The following BTBD9 variants were observed in gnomAD, a reference collection of about 807,000 sequenced individuals.
BTBD9 encodes the protein BTB domain containing 9.
BTBD9 carries 49 observed loss-of-function variants against 64.3 expected under a neutral mutation model. The observed-to-expected ratio is 0.76, with a 90% CI of 0.61 to 0.97. The LOEUF (loss-of-function observed/expected upper bound fraction) is 0.97, where lower values mean the gene tolerates loss of function less well. Ranked by LOEUF, BTBD9 falls within the 50% of genes least tolerant of loss-of-function variation. BTBD9 has a pLI of 0.00. For synonymous variants in BTBD9, 260 were observed against 274.7 expected, an observed-to-expected ratio of 0.95 and a Z score of 0.53; for missense variants, 598 against 762.1, an observed-to-expected ratio of 0.78 and a Z score of 2.53.
intron 6 of BTBD9, among the ~76,000 whole-genome samples, chr6:38,351,187 C>T (rs1408814624): frequency 6.6e-6 from 1 of 152,202 alleles, no homozygotes; most frequent in Non-Finnish European, 1.5e-5. Flanking sequence ...GTACTGACTT[C>T]AGCAAAGGGG....
intron 9 of BTBD9, chr6:38,193,818 T>C: frequency 2.0e-6 from 2 of 985,446 alleles, no homozygotes; most frequent in African/African-American, 1.7e-5. Context: ...CAGTTTGTTT[T>C]TCCCCCTTTG....
chr6:38,218,107 C>G (rs1004383532), intron 9 of BTBD9, among the ~76,000 whole-genome samples: 10 of 152,120 alleles, frequency 6.6e-5, no homozygotes, highest in Non-Finnish European at 8.8e-5. Flanking sequence ...TAGGAACTGG[C>G]TCTCACTGGT....
rs1425976805 is a variant in BTBD9 at position 38,581,650 on chromosome 6, T to TA, written c.815-1214dup. 5.9e-5 allele frequency among the ~76,000 whole-genome samples: 9 copies of TA among 152,162 alleles called. No individual in the cohort carries two copies. In the South Asian group the frequency reaches 1.7e-3, roughly 28 times the overall value. On this transcript the variant is annotated intron_variant, in intron 4 of 10. Transcript: ENST00000481247. ...GGAAAGACAAGAGGCTGCAGAAAGA[T>TA]ATTAAGAGCTTGAAGAGTCAGAGAT...
chr6:38,451,801 T>C (rs1399500903), intron 6 of BTBD9, among the ~76,000 whole-genome samples: 3 of 152,138 alleles, frequency 2.0e-5, no homozygotes, highest in Non-Finnish European at 2.9e-5. Context: ...ATCAAATTTC[T>C]AATAATCAAA....
chr6:38,608,820 C>A (rs546011805), intron 1 of BTBD9, among the ~76,000 whole-genome samples: 1 of 152,166 alleles, frequency 6.6e-6, no homozygotes, highest in African/African-American at 2.4e-5. Flanking sequence ...AAATGTTCCA[C>A]GAATTATACT....
At chr6:38,314,552 G>A (rs1582215034) in intron 7 of BTBD9, among the ~76,000 whole-genome samples, 1 of 152,020 alleles carries the variant, frequency 6.6e-6, no homozygotes, top group South Asian at 2.1e-4. Context: ...TCTTCTTTAA[G>A]TATTTGGTAA....
rs74890993 is a variant in BTBD9, at chr6:38,394,537, C to G, written c.1155-49444G>C. ...GATGCATCATACAGTGGTAGCCAGC[C>G]TCCAAAATGGCACCCAATGGTTGTG... On this transcript the variant is annotated intron_variant, in intron 6 of 10. Coordinates refer to ENST00000481247, the MANE Select transcript of BTBD9 (RefSeq NM_001099272.2). Among the ~76,000 whole-genome samples, 194 of 152,274 alleles carry G rather than the reference C, an allele frequency of 1.3e-3. 1 individual carries two copies. In the Middle Eastern group the frequency reaches 0.014, roughly 11 times the overall value.
At chr6:38,270,841 T>G (rs1237016613) in intron 8 of BTBD9, among the ~76,000 whole-genome samples, 2 of 152,218 alleles carry the variant, frequency 1.3e-5, no homozygotes, top group Admixed American at 6.5e-5. Flanking sequence ...GAATGTGTAA[T>G]GAATAGCAGT....
intron 9 of BTBD9, among the ~76,000 whole-genome samples, chr6:38,217,664 T>G (rs1433090009): frequency 6.6e-6 from 1 of 151,886 alleles, no homozygotes; most frequent in Non-Finnish European, 1.5e-5. Context: ...TGGGCCCAGT[T>G]TGGTTTTTTA....
At chr6:38,473,135 T>C (rs758830512) in intron 6 of BTBD9, among the ~76,000 whole-genome samples, 2 of 152,186 alleles carry the variant, frequency 1.3e-5, no homozygotes, top group Non-Finnish European at 2.9e-5. Flanking sequence ...GATTCAGTAA[T>C]AGAGATGACA....
intron 9 of BTBD9, among the ~76,000 whole-genome samples, chr6:38,241,260 CT>C (rs1763983680): frequency 1.3e-5 from 2 of 152,182 alleles, no homozygotes; most frequent in Non-Finnish European, 2.9e-5. Context: ...TGCTATCTTC[CT>C]TTGCCTAAGA....
chr6:38,460,517 G>C (rs761436114), intron 6 of BTBD9, among the ~76,000 whole-genome samples: 1 of 152,208 alleles, frequency 6.6e-6, no homozygotes, highest in Non-Finnish European at 1.5e-5. Flanking sequence ...CTAATAGCTA[G>C]TGAATTTATA....
chr6:38,209,101 A>G (rs1247606499), intron 9 of BTBD9, among the ~76,000 whole-genome samples: 1 of 152,212 alleles, frequency 6.6e-6, no homozygotes, highest in Non-Finnish European at 1.5e-5. Flanking sequence ...CTTGAAAACC[A>G]GAAGATCTGG....
intron 1 of BTBD9, among the ~76,000 whole-genome samples, chr6:38,619,029 G>A (rs149474130): frequency 7.6e-4 from 115 of 152,224 alleles, no homozygotes; most frequent in African/African-American, 2.6e-3. Context: ...GGAGAATTAC[G>A]AAAAAGCCCA....
intron 1 of BTBD9, among the ~76,000 whole-genome samples, chr6:38,638,628 A>G (rs1181533478): frequency 6.6e-6 from 1 of 152,244 alleles, no homozygotes; most frequent in Non-Finnish European, 1.5e-5. Flanking sequence ...CAAGGTTATT[A>G]CTGGTTCCAA....
chr6:38,549,735 A>G (rs1774709142), intron 6 of BTBD9, among the ~76,000 whole-genome samples: 1 of 152,126 alleles, frequency 6.6e-6, no homozygotes, highest in African/African-American at 2.4e-5. Context: ...GTTTCTCAAA[A>G]TAGTTGTCTA....
At chr6:38,354,917 A>AAG (rs150257577) in intron 6 of BTBD9, among the ~76,000 whole-genome samples, 5,892 of 148,668 alleles carry the variant, frequency 0.04, 399 homozygotes, top group African/African-American at 0.13. Context: ...GACAGAGAGA[A>AAG]AGAGAGAGAG....
intron 9 of BTBD9, 26 bp from the exon 10 acceptor site, chr6:38,192,623 T>C (rs900767486): frequency 6.3e-7 from 1 of 1,599,484 alleles, no homozygotes; most frequent in Non-Finnish European, 8.6e-7. Flanking sequence ...ACCATTTGCC[T>C]GATTAGATGG....
chr6:38,319,784 T>C (rs997432742), intron 7 of BTBD9, among the ~76,000 whole-genome samples: 1 of 151,992 alleles, frequency 6.6e-6, no homozygotes. Context: ...AGCATTCCCT[T>C]AGCTGCCCTG....
Sources: allele counts gnomAD v4.1 joint callset (sites outside exome capture counted in the v4.1 genomes callset), GRCh38; gene constraint gnomAD v4.1.1; transcripts MANE v1.5; gene names NCBI Gene and HGNC (gene_info 2026-07-23, HGNC 2026-07-21).